The following ABCA13 variants were observed in gnomAD, a reference collection of about 807,000 sequenced individuals.
ABCA13 encodes the protein ATP binding cassette subfamily A member 13.
A neutral mutation model predicts 478.7 loss-of-function variants in ABCA13; 476 were observed. The observed-to-expected ratio is 0.99, with a 90% CI of 0.92 to 1.07. ABCA13 has a LOEUF of 1.07. Ranked by LOEUF, ABCA13 falls within the 50% of genes least tolerant of loss-of-function variation. The pLI is 0.00. For synonymous variants in ABCA13, 2,252 were observed against 2,158.9 expected (o/e 1.04, Z -1.20); for missense variants, 6,060 against 5,910.6 (o/e 1.03, Z -0.83).
At chr7:48,486,440 C>A (rs866695120) in intron 47 of ABCA13, among the ~76,000 whole-genome samples, 1 of 152,156 alleles carries the variant, frequency 6.6e-6, no homozygotes, top group Non-Finnish European at 1.5e-5. Context: ...ATATGCGTCA[C>A]CCTTTTTTCA....
At chr7:48,607,004 T>G (rs79995919) in intron 58 of ABCA13, among the ~76,000 whole-genome samples, 1 of 152,186 alleles carries the variant, frequency 6.6e-6, no homozygotes, top group Admixed American at 6.5e-5. Context: ...GTTTACACTT[T>G]GAGGGTGAAA....
intron 44 of ABCA13, among the ~76,000 whole-genome samples, chr7:48,467,334 A>G (rs1234437157): frequency 6.6e-6 from 1 of 152,184 alleles, no homozygotes; most frequent in Non-Finnish European, 1.5e-5. Flanking sequence ...GTTTAATAAA[A>G]CCCAAAGCTG....
At chr7:48,250,050 C>T (rs1047468314) in intron 15 of ABCA13, among the ~76,000 whole-genome samples, 5 of 151,972 alleles carry the variant, frequency 3.3e-5, no homozygotes, top group African/African-American at 4.8e-5. Flanking sequence ...ATGAACCCCT[C>T]GTTGTGTTCA....
intron 20 of ABCA13, among the ~76,000 whole-genome samples, chr7:48,290,939 GGAAAAAAAAAAAAAA>G (rs1798432917): frequency 2.5e-5 from 2 of 79,612 alleles, no homozygotes; most frequent in Admixed American, 3.0e-4. Context: ...TCACACTCAG[GGAAAAAAAAAAAAAA>G]AAAAAAAAAA....
chr7:48,315,023 G>T (rs1338904945), intron 26 of ABCA13, among the ~76,000 whole-genome samples: 1 of 152,210 alleles, frequency 6.6e-6, no homozygotes, highest in Admixed American at 6.5e-5. Context: ...TAAACATGCT[G>T]GTGAGGTTTT....
chr7:48,415,545 C>T (rs975723092), intron 41 of ABCA13, among the ~76,000 whole-genome samples: 3 of 152,110 alleles, frequency 2.0e-5, no homozygotes, highest in Non-Finnish European at 4.4e-5. Flanking sequence ...TGAGTGTTCA[C>T]CCCCAATGTA....
intron 44 of ABCA13, among the ~76,000 whole-genome samples, chr7:48,469,546 G>C (rs1161831913): frequency 4.0e-5 from 6 of 150,540 alleles, no homozygotes. Flanking sequence ...TCACCTCAAT[G>C]GCAGGGTAGT....
intron 55 of ABCA13, among the ~76,000 whole-genome samples, chr7:48,564,255 C>T (rs189854856): frequency 4.2e-4 from 63 of 150,240 alleles, no homozygotes; most frequent in Admixed American, 3.8e-3. Flanking sequence ...TAATAATAAC[C>T]TCAATTTATC....
At chr7:48,630,297 TC>T (rs963092309) in intron 59 of ABCA13, among the ~76,000 whole-genome samples, 21 of 152,146 alleles carry the variant, frequency 1.4e-4, no homozygotes, top group African/African-American at 5.1e-4. Context: ...AGTTTCTCAA[TC>T]CTCACTCTCC....
chr7:48,243,862 C>T (rs1374214649), intron 10 of ABCA13, among the ~76,000 whole-genome samples: 1 of 152,218 alleles, frequency 6.6e-6, no homozygotes, highest in East Asian at 1.9e-4. Context: ...TCGTTTATCA[C>T]AGGTGAGGAT....
intron 48 of ABCA13, among the ~76,000 whole-genome samples, chr7:48,499,413 T>C (rs1830547218): frequency 6.6e-6 from 1 of 152,216 alleles, no homozygotes; most frequent in Non-Finnish European, 1.5e-5. Context: ...TCTAAAGATA[T>C]ACATTTTATA....
intron 38 of ABCA13, 122 bp from the exon 39 acceptor site, chr7:48,403,561 T>C (rs1817881271): frequency 4.0e-6 from 4 of 1,000,528 alleles, no homozygotes; most frequent in Non-Finnish European, 5.9e-6. Context: ...CATCCACACC[T>C]CTGTGATATA....
chr7:48,269,124 T>G (rs1408762105), intron 16 of ABCA13, 30 bp downstream of exon 16: 2 of 1,205,920 alleles, frequency 1.7e-6, no homozygotes, highest in East Asian at 2.4e-5. Flanking sequence ...CTTCTAGGTC[T>G]TGATTTAATT....
chr7:48,397,567 C>G (rs1350836176), intron 38 of ABCA13, among the ~76,000 whole-genome samples: 2 of 151,994 alleles, frequency 1.3e-5, no homozygotes, highest in African/African-American at 4.8e-5. Context: ...TCACATTACC[C>G]CTGAAAATCT....
intron 43 of ABCA13, among the ~76,000 whole-genome samples, chr7:48,455,687 C>G (rs1293805777): frequency 1.3e-5 from 2 of 152,228 alleles, no homozygotes; most frequent in African/African-American, 2.4e-5. Flanking sequence ...ACAAAGCCCT[C>G]CACAGTTGTT....
chr7:48,647,009 A>G lies in ABCA13; in HGVS notation c.*1497A>G, dbSNP rs1217764314. The G allele has an allele frequency of 6.6e-6, 1 of 152,192 alleles. No homozygotes were observed. Among genetic ancestry groups the G allele is most frequent in the African/African-American group, 2.4e-5 (1 of 41,456 alleles). 9.4% of individuals were successfully genotyped at this position (152,192 alleles called of 1,614,324 possible). ...TCCACTACTGAAATAGTTTCCAGTC[A>G]GACATTTCTGAGTTCAGACATTTCT... On this transcript the variant is annotated 3_prime_UTR_variant, in exon 62 of 62. Coordinates refer to ENST00000435803, the MANE Select transcript of ABCA13 (RefSeq NM_152701.5).
At position 48,502,173 on chromosome 7, in the gene ABCA13, G is replaced by A. The variant is rs548950525; in HGVS notation, c.13292-4163G>A. Among the ~76,000 whole-genome samples the A allele has an allele frequency of 2.0e-5, 3 of 152,296 alleles. No individual in the cohort carries two copies. The East Asian group carries it at 5.8e-4, about 29-fold the overall frequency. ...TATGAAAACTTCCAGGAGAGGGTCT[G>A]GCACGTTGGGGAATTACTAACTACA... On this transcript the variant is annotated intron_variant, in intron 48 of 61. Coordinates refer to ENST00000435803, the MANE Select transcript of ABCA13 (RefSeq NM_152701.5).
intron 54 of ABCA13, among the ~76,000 whole-genome samples, chr7:48,526,927 A>C (rs1832925165): frequency 6.6e-6 from 1 of 152,156 alleles, no homozygotes; most frequent in Non-Finnish European, 1.5e-5. Context: ...TAATAATGTA[A>C]TATTTTTTGG....
intron 5 of ABCA13, among the ~76,000 whole-genome samples, chr7:48,221,881 C>T (rs68088838): frequency 0.2 from 30,731 of 152,096 alleles, 3,356 homozygotes; most frequent in Middle Eastern, 0.25. Context: ...ATCAGTAGTC[C>T]GGTTGATAAG....
Sources: gnomAD v4.1 joint callset for allele counts (sites outside exome capture counted in the v4.1 genomes callset) on GRCh38, gnomAD v4.1.1 for gene constraint, MANE v1.5 for transcripts, NCBI Gene and HGNC (gene_info 2026-07-23, HGNC 2026-07-21) for gene names.